Variants in RASA1 observed in about 807,000 individuals in gnomAD.
RASA1 encodes ras GTPase-activating protein 1.
Under a neutral mutation model 132.2 loss-of-function variants are expected in RASA1, and 25 were observed. The observed-to-expected ratio is 0.19, with a 90% CI of 0.14 to 0.26. The LOEUF (loss-of-function observed/expected upper bound fraction) is 0.26, where lower values mean the gene tolerates loss of function less well. Among genes scored for constraint, RASA1 ranks in the 10% least tolerant of loss-of-function variants. The pLI, the probability that RASA1 is intolerant of heterozygous loss-of-function variation, is 1.00. For missense variants in RASA1, 964 were observed against 1,299.2 expected, an observed-to-expected ratio of 0.74 and a Z score of 3.97; for synonymous variants, 477 against 449.9, an observed-to-expected ratio of 1.06 and a Z score of -0.76.
In RASA1 at chr5:87,353,735, T is replaced by C. The variant is rs147218836; in HGVS notation, c.1332+500T>C. Among the ~76,000 whole-genome samples, 66 of 151,968 alleles carry C rather than the reference T, an allele frequency of 4.3e-4. No homozygotes were observed. The East Asian group carries it at 0.011, about 25-fold the overall frequency. ...AGGAGAGTGAAGTTGTATGGGGAGA[T>C]GGGTGGTGGCAATGTCTTACAGACA... On this transcript the variant is annotated intron_variant, in intron 9 of 24. Coordinates refer to ENST00000274376, the MANE Select transcript of RASA1 (RefSeq NM_002890.3).
chr5:87,326,712 T>C (rs892087826), intron 1 of RASA1, among the ~76,000 whole-genome samples: 6 of 152,154 alleles, frequency 3.9e-5, no homozygotes, highest in Non-Finnish European at 8.8e-5. Context: ...GGGAAAAGAA[T>C]GGGGGCTCTT....
intron 1 of RASA1, among the ~76,000 whole-genome samples, chr5:87,301,596 C>T (rs1755366606): frequency 6.6e-6 from 1 of 152,132 alleles, no homozygotes; most frequent in Non-Finnish European, 1.5e-5. Context: ...GAATCACATA[C>T]AGGTTGAGTT....
intron 8 of RASA1, among the ~76,000 whole-genome samples, chr5:87,350,166 C>CA (rs1207202267): frequency 6.6e-6 from 1 of 151,512 alleles, no homozygotes; most frequent in African/African-American, 2.4e-5. Flanking sequence ...TGAAAAAAAC[C>CA]AAAAAACAAA....
intron 1 of RASA1, among the ~76,000 whole-genome samples, chr5:87,285,150 C>T (rs564016589): frequency 6.7e-6 from 1 of 150,042 alleles, no homozygotes; most frequent in East Asian, 2.0e-4. Flanking sequence ...TCACTGCAAC[C>T]TCCACTTCCC....
chr5:87,376,196 TCTAC>T (rs1761314658), intron 15 of RASA1, 193 bp from the exon 16 acceptor site: 4 of 642,884 alleles, frequency 6.2e-6, no homozygotes, highest in African/African-American at 3.6e-5. Flanking sequence ...CTCTGTACTC[TCTAC>T]CTATCAGAGT....
Position 87,374,167 on chromosome 5 carries a change from G to A in RASA1, c.1781G>A (p.Ser594Asn). The change falls in exon 14 of 25, where the codon AGC (serine) becomes AAC (asparagine). Residue 594 changes from serine to asparagine, a missense_variant. Physicochemically the swap from Ser to Asn is conservative, Grantham distance 46 (BLOSUM62 1). This residue lies in a region of RASA1 where 346 missense variants were observed against 520.1 expected (regional missense o/e 0.67). Coordinates refer to ENST00000274376, the MANE Select transcript of RASA1 (RefSeq NM_002890.3). The stretch of plus-strand genomic sequence containing the variant: ...TATATATTTTTTTTTTTTTAGGTCA[G>A]CAGCCTTGTTTTACATATTGAAGAA... ...GTSNKRLRQV[S>N]SLVLHIEEAH... 6.8e-7 allele frequency: 1 copy of A among 1,480,790 alleles called. No individual in the cohort carries two copies. Among genetic ancestry groups the A allele is most frequent in the South Asian group, 1.4e-5 (1 of 71,136 alleles). The allele number at this position is 1,480,790 out of a possible 1,614,324, so 91.7% of individuals were successfully genotyped here.
At chr5:87,386,234 T>TTA (rs1762053174) in intron 22 of RASA1, among the ~76,000 whole-genome samples, 1 of 152,058 alleles carries the variant, frequency 6.6e-6, no homozygotes, top group East Asian at 1.9e-4. Flanking sequence ...ATTGAGTTTC[T>TTA]TACTGATTTT....
chr5:87,337,670 C>A (rs902288053), intron 4 of RASA1, among the ~76,000 whole-genome samples: 2 of 152,028 alleles, frequency 1.3e-5, no homozygotes, highest in Non-Finnish European at 2.9e-5. Flanking sequence ...AATATATGTA[C>A]AATCAGTTTC....
rs145400122 is a variant in RASA1 at position 87,304,974 on chromosome 5, G to T, written c.540-26374G>T. On this transcript the variant is annotated intron_variant, in intron 1 of 24. Transcript: ENST00000274376. Reference sequence around the variant, plus strand: ...TTTTTTTTTTTTTTGGTAAACGTCAGTTGTCAAATATACTTTGTATTTATC... The same window carrying T: ...TTTTTTTTTTTTTTGGTAAACGTCATTTGTCAAATATACTTTGTATTTATC... Among the ~76,000 whole-genome samples the T allele has an allele frequency of 1.3e-3, 125 of 97,016 alleles. 1 individual carries two copies. Among genetic ancestry groups the T allele is most frequent in the East Asian group, 6.3e-3 (23 of 3,666 alleles). The allele number at this position is 97,016 out of a possible 152,430, so 63.6% of individuals were successfully genotyped here. A position where few individuals can be genotyped will look rare whatever the true frequency, so the allele number is the denominator to read the frequency against.
At chr5:87,303,958 C>G (rs1239351786) in intron 1 of RASA1, among the ~76,000 whole-genome samples, 1 of 150,516 alleles carries the variant, frequency 6.6e-6, no homozygotes, top group African/African-American at 2.5e-5. Context: ...CTCAGCCTCC[C>G]AAGTAGCTGG....
chr5:87,284,787 A>T (rs1754469962), intron 1 of RASA1, among the ~76,000 whole-genome samples: 1 of 152,202 alleles, frequency 6.6e-6, no homozygotes, highest in African/African-American at 2.4e-5. Flanking sequence ...TCACACTAAC[A>T]GGAAATCATA....
In RASA1 at chr5:87,296,616, CTTTAG is replaced by C. The variant is rs543170913; in HGVS notation, c.539+27631_539+27635del. ...GGTTCATGTTTTTTTTCTCTCAACACTTTAGTTTAATTTCATTCTACTCTCCTGTT... is the reference window on the plus strand; with the variant it reads ...GGTTCATGTTTTTTTTCTCTCAACACTTTAATTTCATTCTACTCTCCTGTT... On this transcript the variant is annotated intron_variant, in intron 1 of 24. Transcript: ENST00000274376. Among the ~76,000 whole-genome samples, 120 of 122,902 alleles carry C rather than the reference CTTTAG, an allele frequency of 9.8e-4. 1 individual carries two copies. The highest frequency in any genetic ancestry group is 3.7e-4 in the Non-Finnish European group (21 of 56,588). The allele number at this position is 122,902 out of a possible 152,430, so 80.6% of individuals were successfully genotyped here. A position where few individuals can be genotyped will look rare whatever the true frequency, so the allele number is the denominator to read the frequency against.
intron 4 of RASA1, among the ~76,000 whole-genome samples, chr5:87,334,886 T>C (rs943626267): frequency 6.6e-6 from 1 of 152,026 alleles, no homozygotes; most frequent in African/African-American, 2.4e-5. Context: ...AACTAGTTTG[T>C]TCCTTTTTTT....
At chr5:87,363,552 A>C (rs1760272574) in intron 11 of RASA1, 48 bp downstream of exon 11, 1 of 1,580,202 alleles carries the variant, frequency 6.3e-7, no homozygotes, top group Non-Finnish European at 8.7e-7. Flanking sequence ...CTTAATAATA[A>C]AATAGTACAA....
chr5:87,302,839 A>G (rs951533176), intron 1 of RASA1, among the ~76,000 whole-genome samples: 8 of 152,074 alleles, frequency 5.3e-5, no homozygotes, highest in African/African-American at 1.9e-4. Context: ...TTTATATAAT[A>G]ACATTGAATC....
chr5:87,322,755 C>A (rs1395515844), intron 1 of RASA1, among the ~76,000 whole-genome samples: 4 of 152,168 alleles, frequency 2.6e-5, no homozygotes, highest in African/African-American at 9.7e-5. Context: ...AGTTATAAGC[C>A]AGGAACTGTG....
At chr5:87,388,079 CTTTTG>C (rs1314973204) in intron 23 of RASA1, among the ~76,000 whole-genome samples, 1 of 152,082 alleles carries the variant, frequency 6.6e-6, no homozygotes, top group Non-Finnish European at 1.5e-5. Flanking sequence ...AATAAAATAA[CTTTTG>C]TTTTACCTCC....
intron 8 of RASA1, 148 bp from the exon 9 acceptor site, chr5:87,353,006 TATG>T: frequency 1.6e-6 from 1 of 631,420 alleles, no homozygotes; most frequent in Non-Finnish European, 2.9e-6. Flanking sequence ...ATATGAATGT[TATG>T]ATCATTTATT....
chr5:87,294,915 G>C (rs1454554301), intron 1 of RASA1, among the ~76,000 whole-genome samples: 1 of 152,138 alleles, frequency 6.6e-6, no homozygotes, highest in Non-Finnish European at 1.5e-5. Context: ...TTTATTGCTG[G>C]CTGGATCTGC....
Sources: allele counts gnomAD v4.1 joint callset (sites outside exome capture counted in the v4.1 genomes callset), GRCh38; gene constraint gnomAD v4.1.1; regional missense constraint gnomAD v4.1.1; transcripts MANE v1.5; gene names NCBI Gene and HGNC (gene_info 2026-07-23, HGNC 2026-07-21).